The following CEP350 variants were observed in gnomAD, a reference collection of about 807,000 sequenced individuals.
The protein encoded by CEP350 is centrosome-associated protein 350.
Under a neutral mutation model 331.8 loss-of-function variants are expected in CEP350, and 126 were observed. The observed-to-expected ratio is 0.38, with a 90% CI of 0.33 to 0.44. The LOEUF (loss-of-function observed/expected upper bound fraction) is 0.44. Ranked by LOEUF, CEP350 falls within the 20% of genes least tolerant of loss-of-function variation. The pLI is 1.00. For synonymous variants in CEP350, 1,200 were observed against 1,259.5 expected, an observed-to-expected ratio of 0.95 and a Z score of 1.00; for missense variants, 3,406 against 3,634.6, an observed-to-expected ratio of 0.94 and a Z score of 1.62.
intron 1 of CEP350, among the ~76,000 whole-genome samples, chr1:179,983,532 G>A (rs572217673): frequency 1.3e-5 from 2 of 152,296 alleles, no homozygotes; most frequent in East Asian, 3.9e-4. Context: ...ACTGTGCCTG[G>A]CCCTATTTTT....
chr1:180,078,809 A>G, intron 29 of CEP350, 135 bp downstream of exon 29: 1 of 722,066 alleles, frequency 1.4e-6, no homozygotes, highest in Non-Finnish European at 2.2e-6. Context: ...TAACATTTGA[A>G]TAGAAATAAA....
intron 1 of CEP350, among the ~76,000 whole-genome samples, chr1:179,957,402 ATTTGTTG>A (rs1650249193): frequency 6.6e-6 from 1 of 151,924 alleles, no homozygotes; most frequent in Admixed American, 6.6e-5. Flanking sequence ...TTCTGTATTG[ATTTGTTG>A]TTGTTGTTGT....
At chr1:179,998,645 C>T (rs1653649388) in intron 6 of CEP350, among the ~76,000 whole-genome samples, 1 of 151,956 alleles carries the variant, frequency 6.6e-6, no homozygotes, top group Non-Finnish European at 1.5e-5. Flanking sequence ...CAATCTAGGG[C>T]ACTTTTTTAT....
At chr1:179,986,622 A>T (rs1395653086) in intron 2 of CEP350, among the ~76,000 whole-genome samples, 2 of 152,172 alleles carry the variant, frequency 1.3e-5, no homozygotes. Context: ...GGTAATTTTA[A>T]GGCATTGATA....
chr1:180,040,144 C>T lies in CEP350; in HGVS notation c.4111-994C>T, dbSNP rs192303088. Among the ~76,000 whole-genome samples the T allele has an allele frequency of 4.6e-5, 7 of 151,920 alleles. No individual in the cohort carries two copies. The South Asian group carries it at 1.0e-3, about 23-fold the overall frequency. On this transcript the variant is annotated intron_variant, in intron 17 of 37. Coordinates refer to ENST00000367607, the MANE Select transcript of CEP350 (RefSeq NM_014810.5). Reference sequence around the variant, plus strand: ...GATCCCATCATTCCTGCCCTCCCCCCGCCACTGCCCGACTAAATAACAGTA... The same window carrying T: ...GATCCCATCATTCCTGCCCTCCCCCTGCCACTGCCCGACTAAATAACAGTA...
chr1:179,976,951 A>G (rs1651917241), intron 1 of CEP350, among the ~76,000 whole-genome samples: 2 of 152,210 alleles, frequency 1.3e-5, no homozygotes, highest in South Asian at 2.1e-4. Flanking sequence ...ATTGTCAAGA[A>G]CAAGACCACT....
intron 37 of CEP350, among the ~76,000 whole-genome samples, chr1:180,106,663 C>A (rs1442786784): frequency 6.6e-6 from 1 of 152,148 alleles, no homozygotes; most frequent in Non-Finnish European, 1.5e-5. Flanking sequence ...GACTCCTGGG[C>A]TCAAGGGATC....
At position 179,972,837 on chromosome 1, in the gene CEP350, G is replaced by C. The variant is rs377510591; in HGVS notation, c.-13-13332G>C. Among the ~76,000 whole-genome samples the C allele has an allele frequency of 2.0e-5, 3 of 151,690 alleles. No individual in the cohort carries two copies. In the South Asian group the frequency reaches 6.3e-4, roughly 32 times the overall value. On this transcript the variant is annotated intron_variant, in intron 1 of 37. Transcript: ENST00000367607. ...CAACCACATTGGAGTTGCTTGAAGA[G>C]TCAGAGTCTAAATGGACACTGAGTG...
chr1:180,110,997 G>A lies in CEP350; in HGVS notation c.9190G>A (p.Val3064Ile). The A allele has an allele frequency of 7.4e-6, 12 of 1,613,538 alleles. No homozygotes were observed. The highest frequency in any genetic ancestry group is 1.0e-5 in the Non-Finnish European group (12 of 1,179,574). Reference protein sequence around the residue: ...KKRDRVDHILVQELHEEEAQW... With the variant: ...KKRDRVDHILIQELHEEEAQW... ...AACCTTATTGTCTTCTAAATCCTAG[G>A]TTCAGGAGCTCCATGAGGAGGAGGC... The change falls in exon 38 of 38, where the codon GTT becomes ATT. Residue 3064 changes from valine to isoleucine, a missense_variant and splice_region_variant. By Grantham distance (29) the Val-to-Ile change is conservative. Coordinates refer to ENST00000367607, the MANE Select transcript of CEP350 (RefSeq NM_014810.5).
At chr1:180,038,205 ATGT>A (rs1406731646) in intron 17 of CEP350, among the ~76,000 whole-genome samples, 1 of 152,266 alleles carries the variant, frequency 6.6e-6, no homozygotes, top group Admixed American at 6.5e-5. Flanking sequence ...AGATTTATCC[ATGT>A]TGTTTTATCA....
chr1:180,028,155 C>A (rs1655797365), intron 14 of CEP350, among the ~76,000 whole-genome samples: 1 of 152,112 alleles, frequency 6.6e-6, no homozygotes, highest in South Asian at 2.1e-4. Context: ...TTGGGAAATT[C>A]TTTTAGAGTG....
chr1:180,052,957 C>T lies in CEP350; in HGVS notation c.4793-13C>T, dbSNP rs775913817. The T allele has an allele frequency of 1.9e-6, 2 of 1,026,250 alleles. No individual in the cohort carries two copies. Among genetic ancestry groups the T allele is most frequent in the African/African-American group, 1.6e-5 (1 of 61,648 alleles). 63.6% of individuals were successfully genotyped at this position (1,026,250 alleles called of 1,614,324 possible). A position where few individuals can be genotyped will look rare whatever the true frequency, so the allele number is the denominator to read the frequency against. On this transcript the variant is annotated splice_polypyrimidine_tract_variant and intron_variant, in intron 22 of 37. Transcript: ENST00000367607. ...TTATAATGATAAAATCTACTTTCTC[C>T]ATATTCTTTTAGACTCAACGTCTAT...
intron 12 of CEP350, among the ~76,000 whole-genome samples, chr1:180,022,030 A>G (rs1655355533): frequency 1.3e-5 from 2 of 152,108 alleles, no homozygotes; most frequent in South Asian, 2.1e-4. Flanking sequence ...TTTCCCCTCT[A>G]TATAGTGAAT....
chr1:180,038,621 C>G (rs759529099), intron 17 of CEP350, among the ~76,000 whole-genome samples: 1 of 152,090 alleles, frequency 6.6e-6, no homozygotes. Context: ...ATTTGCGTTT[C>G]TCTTATTACT....
At chr1:180,007,839 C>CGTGTGTGTGTGTGTGT (rs71118426) in intron 8 of CEP350, among the ~76,000 whole-genome samples, 79 of 140,906 alleles carry the variant, frequency 5.6e-4, no homozygotes, top group Non-Finnish European at 1.1e-3. Context: ...TTTTATGTAT[C>CGTGTGTGTGTGTGTGT]GTGTGTGTGT....
chr1:179,958,276 C>T (rs16855025), intron 1 of CEP350, among the ~76,000 whole-genome samples: 21,389 of 151,896 alleles, frequency 0.14, 1,587 homozygotes, highest in African/African-American at 0.17. Context: ...ATTTGGCATT[C>T]CCTATCAAGA....
intron 31 of CEP350, among the ~76,000 whole-genome samples, chr1:180,084,498 G>A (rs1395918379): frequency 6.6e-6 from 1 of 152,084 alleles, no homozygotes; most frequent in East Asian, 1.9e-4. Context: ...CTGAGTAGCT[G>A]GGACTACAGG....
intron 32 of CEP350, 134 bp downstream of exon 32, chr1:180,087,851 G>T (rs763929137): frequency 1.4e-5 from 14 of 993,790 alleles, no homozygotes; most frequent in Non-Finnish European, 1.6e-5. Context: ...TTTAGTGTCA[G>T]TAAATTAAAA....
At chr1:180,089,064 A>G (rs952699657) in intron 32 of CEP350, among the ~76,000 whole-genome samples, 13 of 152,170 alleles carry the variant, frequency 8.5e-5, no homozygotes, top group Admixed American at 5.2e-4. Context: ...TCTACATGAT[A>G]TGCTATTGAA....
Sources: allele counts gnomAD v4.1 joint callset (sites outside exome capture counted in the v4.1 genomes callset), GRCh38; gene constraint gnomAD v4.1.1; transcripts MANE v1.5; gene names NCBI Gene and HGNC (gene_info 2026-07-23, HGNC 2026-07-21).